The following TENM1 variants were observed in gnomAD, a reference collection of about 807,000 sequenced individuals.
The protein encoded by TENM1 is teneurin-1.
Under a neutral mutation model 174.8 loss-of-function variants are expected in TENM1, and 35 were observed. The ratio of observed to expected loss-of-function variants is 0.20; its 90% CI spans 0.15 to 0.27. The LOEUF is 0.27. TENM1 is among the 10% of genes least tolerant of loss of function. The pLI, the probability that TENM1 is intolerant of heterozygous loss-of-function variation, is 1.00. For missense variants in TENM1, 1,633 were observed against 2,130.1 expected, an observed-to-expected ratio of 0.77 and a Z score of 4.59; for synonymous variants, 781 against 798.7, an observed-to-expected ratio of 0.98 and a Z score of 0.37.
chrX:124,737,215 G>A lies in TENM1; in HGVS notation c.536-18C>T. The A allele has an allele frequency of 8.5e-7, 1 of 1,172,711 alleles. No homozygotes were observed. The highest frequency in any genetic ancestry group is 1.1e-6 in the Non-Finnish European group (1 of 876,515). Reference sequence around the variant, plus strand: ...CTGCACATCTAAAGAGGAGAGAAGAGAAACATAAAATAGAGACTTACTCTC... The same window carrying A: ...CTGCACATCTAAAGAGGAGAGAAGAAAAACATAAAATAGAGACTTACTCTC... On this transcript the variant is annotated intron_variant, in intron 3 of 31. Transcript: ENST00000422452.
At chrX:124,386,257 A>G (rs186253783) in intron 28 of TENM1, among the ~76,000 whole-genome samples, 193 bp from the exon 32 acceptor site, 47 of 111,644 alleles carry the variant, frequency 4.2e-4, no homozygotes, top group African/African-American at 1.3e-3. Context: ...GTTTTAATGG[A>G]GGAGAAAGAC....
chrX:124,475,844 G>T (rs6649243), intron 22 of TENM1, among the ~76,000 whole-genome samples: 51,025 of 110,188 alleles, frequency 0.46, 9,491 homozygotes, highest in Non-Finnish European at 0.59. Flanking sequence ...CACAAGGTGG[G>T]CATCTCTCCT....
At chrX:125,121,076 AGAG>A in the TENM1 span, among the ~76,000 whole-genome samples, 3 of 112,004 alleles carry the variant, frequency 2.7e-5, no homozygotes, top group Non-Finnish European at 3.8e-5. Context: ...AGCAATATCA[AGAG>A]GAGACAAGTG....
intron 22 of TENM1, among the ~76,000 whole-genome samples, chrX:124,480,608 A>C (rs1015905886): frequency 8.9e-6 from 1 of 112,122 alleles, no homozygotes; most frequent in African/African-American, 3.2e-5. Context: ...TAGAAGGATA[A>C]ATACTAAAAT....
At chrX:124,871,779 A>G (rs1202498592) in intron 3 of TENM1, among the ~76,000 whole-genome samples, 1 of 111,059 alleles carries the variant, frequency 9.0e-6, no homozygotes, top group Non-Finnish European at 1.9e-5. Context: ...CAGGCCTGTA[A>G]TCCCAGCACT....
intron 3 of TENM1, among the ~76,000 whole-genome samples, chrX:124,763,763 T>A (rs1432950908): frequency 1.8e-5 from 2 of 111,709 alleles, no homozygotes; most frequent in Non-Finnish European, 3.8e-5. Context: ...TCTCTCAGAT[T>A]TAGGATTAAG....
At chrX:124,699,094 A>G (rs2052715894) in intron 5 of TENM1, among the ~76,000 whole-genome samples, 1 of 112,098 alleles carries the variant, frequency 8.9e-6, no homozygotes, top group Non-Finnish European at 1.9e-5. Flanking sequence ...TGGCTCTAAA[A>G]TATTCACATA....
intron 5 of TENM1, among the ~76,000 whole-genome samples, chrX:124,681,429 T>C (rs1239757429): frequency 8.9e-6 from 1 of 112,041 alleles, no homozygotes; most frequent in Non-Finnish European, 1.9e-5. Context: ...GTCACTAATG[T>C]ATTATTCAAA....
intron 1 of TENM1, among the ~76,000 whole-genome samples, chrX:124,960,023 C>G (rs1187276499): frequency 1.8e-5 from 2 of 111,875 alleles, no homozygotes; most frequent in East Asian, 5.6e-4. Context: ...TTCTACAATT[C>G]CCCTGTATAC....
At chrX:125,085,943 G>C in the TENM1 span, among the ~76,000 whole-genome samples, 1 of 110,408 alleles carries the variant, frequency 9.1e-6, no homozygotes, top group South Asian at 3.7e-4. Context: ...GAATTAAATA[G>C]TAAATTCTAT....
intron 1 of TENM1, 70 bp downstream of exon 4, chrX:124,963,465 AAC>A: frequency 1.0e-6 from 1 of 968,628 alleles, no homozygotes; most frequent in African/African-American, 1.9e-5. Context: ...TTATTTTTGA[AAC>A]AAAGTTTATG....
intron 19 of TENM1, among the ~76,000 whole-genome samples, chrX:124,503,289 C>T (rs2047372937): frequency 9.0e-6 from 1 of 110,933 alleles, no homozygotes; most frequent in Non-Finnish European, 1.9e-5. Flanking sequence ...CCACCTCTGC[C>T]CCCTTCTCCT....
intron 3 of TENM1, among the ~76,000 whole-genome samples, chrX:124,869,219 C>T (rs995169225): frequency 7.3e-5 from 8 of 109,094 alleles, no homozygotes; most frequent in East Asian, 2.9e-4. Flanking sequence ...GGCCACAGAG[C>T]GAGACCCTGT....
At chrX:124,577,323 C>T (rs1213828161) in intron 11 of TENM1, among the ~76,000 whole-genome samples, 1 of 111,135 alleles carries the variant, frequency 9.0e-6, no homozygotes, top group Non-Finnish European at 1.9e-5. Context: ...TACAAAGCTG[C>T]CATCATAGCC....
chrX:125,135,153 T>C, the TENM1 span, among the ~76,000 whole-genome samples: 2 of 98,957 alleles, frequency 2.0e-5, no homozygotes, highest in African/African-American at 4.0e-5. Context: ...CTATGAACAA[T>C]GGTTGCAAAA....
the TENM1 span, among the ~76,000 whole-genome samples, chrX:125,055,289 C>T: frequency 7.2e-5 from 8 of 111,385 alleles, no homozygotes; most frequent in East Asian, 1.1e-3. Flanking sequence ...CCACGTCTTG[C>T]GGCTACTAAG....
At chrX:124,985,432 T>C in the TENM1 span, among the ~76,000 whole-genome samples, 1 of 112,253 alleles carries the variant, frequency 8.9e-6, no homozygotes, top group Non-Finnish European at 1.9e-5. Flanking sequence ...CTTAAAGCAC[T>C]TATTCCCAGG....
chrX:124,378,124 C>A (rs1345397631), exon 32 of TENM1: 3 of 111,254 alleles, frequency 2.7e-5, no homozygotes, highest in African/African-American at 9.8e-5. Flanking sequence ...GTAACTTTAA[C>A]AAACTAAAGG....
intron 11 of TENM1, among the ~76,000 whole-genome samples, chrX:124,641,280 C>T (rs761642339): frequency 5.4e-5 from 6 of 111,322 alleles, no homozygotes; most frequent in Admixed American, 9.5e-5. Flanking sequence ...AGTTTATCTA[C>T]AGATAATGGG....
Sources: allele counts gnomAD v4.1 joint callset (sites outside exome capture counted in the v4.1 genomes callset), GRCh38; gene constraint gnomAD v4.1.1; transcripts MANE v1.5; gene names NCBI Gene and HGNC (gene_info 2026-07-23, HGNC 2026-07-21).